ARGLU1: variants seen among roughly 807,000 people sequenced by gnomAD.
ARGLU1 encodes the protein arginine and glutamate-rich protein 1.
ARGLU1 carries 9 observed loss-of-function variants against 37.6 expected under a neutral mutation model. That is an observed-to-expected ratio of 0.24 (90% CI 0.14 to 0.42). The LOEUF (loss-of-function observed/expected upper bound fraction) is 0.42, where lower values mean the gene tolerates loss of function less well. Ranked by LOEUF, ARGLU1 falls within the 10% of genes least tolerant of loss-of-function variation. The probability of loss-of-function intolerance (pLI) is 1.00; values close to 1 mark genes in which losing one functional copy is unlikely to be tolerated. For synonymous variants in ARGLU1, 166 were observed against 138.5 expected (o/e 1.20, Z -1.39); for missense variants, 211 against 359.2 (o/e 0.59, Z 3.34).
intron 3 of ARGLU1, among the ~76,000 whole-genome samples, chr13:106,552,205 C>T (rs1880548080): frequency 6.6e-6 from 1 of 152,156 alleles, no homozygotes; most frequent in Non-Finnish European, 1.5e-5. Context: ...GCTGAGATAA[C>T]AAACTGGTGA....
At chr13:106,561,703 G>C (rs1400344990) in intron 1 of ARGLU1, 1 of 152,192 alleles carries the variant, frequency 6.6e-6, no homozygotes, top group Admixed American at 6.5e-5. Flanking sequence ...AGGCAGAAGA[G>C]ACCTGATACA....
At chr13:106,560,527 A>C (rs1452920043) in intron 1 of ARGLU1, among the ~76,000 whole-genome samples, 3 of 152,240 alleles carry the variant, frequency 2.0e-5, no homozygotes, top group Non-Finnish European at 4.4e-5. Flanking sequence ...AGTATGAAGA[A>C]AAAGAATATA....
Position 106,557,525 on chromosome 13 carries a change from C to A in ARGLU1, c.574-394G>T. The stretch of plus-strand genomic sequence containing the variant: ...TATACCTACGTATTCTTTACCTATA[C>A]TCCTTTAATCAGCATTAAAAGTTGA... On this transcript the variant is annotated intron_variant, in intron 2 of 3. Coordinates refer to ENST00000400198, the MANE Select transcript of ARGLU1 (RefSeq NM_018011.4). The surrounding 1 kb of genome is among the most constrained non-coding windows in gnomAD (Gnocchi z 5.0). The A allele has an allele frequency of 6.5e-7, 1 of 1,544,150 alleles. No homozygotes were observed. Among genetic ancestry groups the A allele is most frequent in the Non-Finnish European group, 8.8e-7 (1 of 1,138,790 alleles).
rs1226409481 is a variant in ARGLU1, at chr13:106,567,935, T to G, written c.-16A>C. 1.3e-6 allele frequency: 2 copies of G among 1,597,790 alleles called. No homozygotes were observed. Among genetic ancestry groups the G allele is most frequent in the African/African-American group, 2.7e-5 (2 of 73,974 alleles). ...ACCGGCCCATCCTTCCGGGAGACGC[T>G]CTAACCGCTCGCCTCAGGCCCCTCA... On this transcript the variant is annotated 5_prime_UTR_variant, in exon 1 of 4. Coordinates refer to ENST00000400198, the MANE Select transcript of ARGLU1 (RefSeq NM_018011.4). This position sits in a 1 kb window ranked among gnomAD's most constrained non-coding sequence, Gnocchi z 4.3.
chr13:106,548,718 T>C (rs1485495575), intron 3 of ARGLU1, among the ~76,000 whole-genome samples: 4 of 152,152 alleles, frequency 2.6e-5, no homozygotes, highest in Admixed American at 1.3e-4. Context: ...AAAGGCCTAC[T>C]TACCCCTCCC....
chr13:106,559,249 TAA>T, intron 2 of ARGLU1, 181 bp downstream of exon 2: 1 of 1,531,834 alleles, frequency 6.5e-7, no homozygotes, highest in Non-Finnish European at 8.7e-7. Flanking sequence ...TTCCAACTTT[TAA>T]GTTATCAGTC....
chr13:106,565,397 C>T (rs1348366587), intron 1 of ARGLU1, among the ~76,000 whole-genome samples: 2 of 152,142 alleles, frequency 1.3e-5, no homozygotes, highest in Non-Finnish European at 2.9e-5. Context: ...TTCTTATATC[C>T]TCCACCCACA....
chr13:106,559,154 G>A lies in ARGLU1; in HGVS notation c.573+278C>T, dbSNP rs1044307245. The A allele has an allele frequency of 9.5e-6, 13 of 1,374,184 alleles. No homozygotes were observed. In the African/African-American group the frequency reaches 1.7e-4, roughly 18 times the overall value. 85.1% of individuals were successfully genotyped at this position (1,374,184 alleles called of 1,614,324 possible). A position where few individuals can be genotyped will look rare whatever the true frequency, so the allele number is the denominator to read the frequency against. ...CCTCCCAAAAAAGAATGTAAGTCCTGCAGCCATGGCAAAAGTTTCAAACAC... is the reference window on the plus strand; with the variant it reads ...CCTCCCAAAAAAGAATGTAAGTCCTACAGCCATGGCAAAAGTTTCAAACAC... On this transcript the variant is annotated intron_variant, in intron 2 of 3. Coordinates refer to ENST00000400198, the MANE Select transcript of ARGLU1 (RefSeq NM_018011.4).
At chr13:106,555,930 AT>A (rs966956425) in intron 3 of ARGLU1, among the ~76,000 whole-genome samples, 1 of 151,992 alleles carries the variant, frequency 6.6e-6, no homozygotes, top group African/African-American at 2.4e-5. Flanking sequence ...TGTCAACCAT[AT>A]TTTTTTCTTC....
At chr13:106,559,302 T>C (rs759267300) in intron 2 of ARGLU1, 130 bp downstream of exon 2, 11 of 1,542,032 alleles carry the variant, frequency 7.1e-6, no homozygotes, top group African/African-American at 1.4e-5. Context: ...TTCGCAGCAA[T>C]GTTAAGTTTA....
chr13:106,563,209 A>G (rs1880863392), intron 1 of ARGLU1, among the ~76,000 whole-genome samples: 1 of 152,188 alleles, frequency 6.6e-6, no homozygotes, highest in Admixed American at 6.5e-5. Context: ...TTTACTTATT[A>G]CTTAATAGGT....
At position 106,567,331 on chromosome 13, in the gene ARGLU1, T is replaced by C. The variant is rs953625034; in HGVS notation, c.347+242A>G. 2.1e-5 allele frequency among the ~76,000 whole-genome samples: 3 copies of C among 140,280 alleles called. No individual in the cohort carries two copies. Among genetic ancestry groups the C allele is most frequent in the Admixed American group, 7.2e-5 (1 of 13,890 alleles). The allele number at this position is 140,280 out of a possible 152,430, so 92.0% of individuals were successfully genotyped here. ...GCCAAAATCGCCTTCTCTTAAACCC[T>C]TTCTGCTCAAGCCCTCGAATTTTCC... On this transcript the variant is annotated intron_variant, in intron 1 of 3. Transcript: ENST00000400198. This position sits in a 1 kb window ranked among gnomAD's most constrained non-coding sequence, Gnocchi z 4.3.
chr13:106,561,715 A>G (rs535875294), intron 1 of ARGLU1: 1 of 152,304 alleles, frequency 6.6e-6, no homozygotes, highest in Admixed American at 6.5e-5. Flanking sequence ...CCTGATACAC[A>G]CTCAAGGTTA....
chr13:106,558,551 TGTAAA>T (rs558252506), intron 2 of ARGLU1: 16 of 985,476 alleles, frequency 1.6e-5, no homozygotes, highest in African/African-American at 1.6e-4. Context: ...CACTCAGGGC[TGTAAA>T]GTAATTTGCC....
At chr13:106,563,822 C>A (rs1425343125) in intron 1 of ARGLU1, among the ~76,000 whole-genome samples, 1 of 152,104 alleles carries the variant, frequency 6.6e-6, no homozygotes, top group Non-Finnish European at 1.5e-5. Context: ...TATATAGATC[C>A]CAGTTCAGTG....
Position 106,559,468 on chromosome 13 carries a change from C to CT in ARGLU1, c.536dup (p.Arg180GlufsTer4). 6.2e-7 allele frequency: 1 copy of CT among 1,614,204 alleles called. No homozygotes were observed. The highest frequency in any genetic ancestry group is 8.5e-7 in the Non-Finnish European group (1 of 1,180,030). ...TTTGTGCGGCAAGCTCAGCTTGTCT[C>CT]TGTCGCTCGAGTTCTTCGAGCAACT... On this transcript the variant is annotated frameshift_variant, in exon 2 of 4. Transcript: ENST00000400198. LOFTEE classifies it high-confidence loss of function.
Position 106,557,446 on chromosome 13 carries a change from A to T in ARGLU1, c.574-315T>A. ...AAAACTGGATAGTATTTACCAAATTAAAAAAATAATATATAAAATATAAAT... is the reference window on the plus strand; with the variant it reads ...AAAACTGGATAGTATTTACCAAATTTAAAAAATAATATATAAAATATAAAT... On this transcript the variant is annotated intron_variant, in intron 2 of 3. Transcript: ENST00000400198. The surrounding 1 kb of genome is among the most constrained non-coding windows in gnomAD (Gnocchi z 5.0). 2 of 838,890 alleles carry T rather than the reference A, an allele frequency of 2.4e-6. No homozygotes were observed. The highest frequency in any genetic ancestry group is 3.3e-6 in the Non-Finnish European group (2 of 612,480). The allele number at this position is 838,890 out of a possible 1,614,324, so 52.0% of individuals were successfully genotyped here. A position where few individuals can be genotyped will look rare whatever the true frequency, so the allele number is the denominator to read the frequency against.
intron 2 of ARGLU1, chr13:106,559,112 C>A: frequency 1.6e-6 from 2 of 1,270,804 alleles, no homozygotes; most frequent in East Asian, 4.6e-5. Context: ...CTTTACCACT[C>A]CCTGTCTCCC....
In ARGLU1 at chr13:106,559,266, C is replaced by G. The variant is rs766048101; in HGVS notation, c.573+166G>C. On this transcript the variant is annotated intron_variant, in intron 2 of 3. Transcript: ENST00000400198. ...CCAACTTTTAAGTTATCAGTCAGCA[C>G]TTCTGAATAGGCTAAAAAATTAACT... The G allele has an allele frequency of 5.1e-5, 79 of 1,534,614 alleles. 1 individual carries two copies. Among genetic ancestry groups the G allele is most frequent in the Non-Finnish European group, 6.5e-5 (75 of 1,145,600 alleles).
Sources: gnomAD v4.1 joint callset for allele counts (sites outside exome capture counted in the v4.1 genomes callset) on GRCh38, gnomAD v4.1.1 for gene constraint, Gnocchi (gnomAD v3.1) non-coding constraint, MANE v1.5 for transcripts, NCBI Gene and HGNC (gene_info 2026-07-23, HGNC 2026-07-21) for gene names.